NEDD4: variants seen among roughly 807,000 people sequenced by gnomAD.
NEDD4 encodes the protein NEDD4 E3 ubiquitin protein ligase.
NEDD4 carries 99 observed loss-of-function variants against 144.9 expected under a neutral mutation model. That is an observed-to-expected ratio of 0.68 (90% CI 0.58 to 0.81). NEDD4 has a LOEUF of 0.81. Among genes scored for constraint, NEDD4 ranks in the 30% least tolerant of loss-of-function variants. NEDD4 has a pLI of 0.00. For synonymous variants in NEDD4, 318 were observed against 350.6 expected, an observed-to-expected ratio of 0.91 and a Z score of 1.04; for missense variants, 985 against 1,065.9, an observed-to-expected ratio of 0.92 and a Z score of 1.06.
At position 55,859,037 on chromosome 15, in the gene NEDD4, G is replaced by T. The variant is rs2034302681; in HGVS notation, c.960+1370C>A. Among the ~76,000 whole-genome samples the T allele has an allele frequency of 3.3e-5, 5 of 152,160 alleles. No homozygotes were observed. In the East Asian group the frequency reaches 7.7e-4, roughly 23 times the overall value. Reference sequence around the variant, plus strand: ...AAGTCCCATGAAGGCAGGAGATATTGTTAATTTTATTGACTGATGTATCCT... The same window carrying T: ...AAGTCCCATGAAGGCAGGAGATATTTTTAATTTTATTGACTGATGTATCCT... On this transcript the variant is annotated intron_variant, in intron 11 of 28. Transcript: ENST00000435532.
Position 55,833,182 on chromosome 15 carries a change from G to A in NEDD4, c.2431-78C>T, listed in dbSNP as rs558686859. The A allele has an allele frequency of 2.3e-5, 21 of 893,882 alleles. No homozygotes were observed. In the East Asian group the frequency reaches 2.9e-4, roughly 12 times the overall value. 55.4% of individuals were successfully genotyped at this position (893,882 alleles called of 1,614,324 possible). A position where few individuals can be genotyped will look rare whatever the true frequency, so the allele number is the denominator to read the frequency against. The stretch of plus-strand genomic sequence containing the variant: ...AAATTATCCTGAAACATAAGCTATC[G>A]GAATTTAGAATATTAATAATCCCTT... On this transcript the variant is annotated intron_variant, in intron 26 of 28. Transcript: ENST00000435532.
At chr15:55,924,991 C>A (rs1282046079) in intron 4 of NEDD4, among the ~76,000 whole-genome samples, 1 of 152,204 alleles carries the variant, frequency 6.6e-6, no homozygotes, top group Non-Finnish European at 1.5e-5. Context: ...TCGCTTCAAC[C>A]TGGGAGGTGG....
intron 11 of NEDD4, among the ~76,000 whole-genome samples, chr15:55,857,549 C>T (rs758203163): frequency 2.6e-5 from 4 of 152,134 alleles, no homozygotes; most frequent in Non-Finnish European, 5.9e-5. Context: ...TCTCGAACTC[C>T]TAACCTCATG....
chr15:55,830,408 C>T, intron 28 of NEDD4, 106 bp downstream of exon 28: 1 of 993,738 alleles, frequency 1.0e-6, no homozygotes, highest in Non-Finnish European at 1.6e-6. Flanking sequence ...TAATCCATAC[C>T]TGCCACCGAC....
intron 5 of NEDD4, among the ~76,000 whole-genome samples, chr15:55,881,012 G>T (rs564194025): frequency 1.3e-5 from 2 of 152,230 alleles, no homozygotes; most frequent in South Asian, 4.1e-4. Flanking sequence ...GGAGTCTAAG[G>T]CCTAACAAAT....
At chr15:55,954,514 T>C (rs1369837111) in intron 2 of NEDD4, among the ~76,000 whole-genome samples, 2 of 151,874 alleles carry the variant, frequency 1.3e-5, no homozygotes, top group Non-Finnish European at 2.9e-5. Flanking sequence ...ACAGACACTG[T>C]GTTCAAGAGT....
intron 2 of NEDD4, among the ~76,000 whole-genome samples, chr15:55,951,858 A>G: frequency 6.6e-6 from 1 of 152,050 alleles, no homozygotes; most frequent in South Asian, 2.1e-4. Context: ...AGCTTCCTAG[A>G]TTTTTAAAAT....
chr15:55,942,356 C>T (rs535299065), intron 4 of NEDD4, among the ~76,000 whole-genome samples: 1 of 152,214 alleles, frequency 6.6e-6, no homozygotes, highest in Admixed American at 6.5e-5. Flanking sequence ...GGAATTATGT[C>T]TCTGCCAAAA....
intron 2 of NEDD4, among the ~76,000 whole-genome samples, chr15:55,961,730 A>T (rs2037429873): frequency 6.6e-6 from 1 of 152,022 alleles, no homozygotes; most frequent in Admixed American, 6.6e-5. Flanking sequence ...CAGCCTCCCA[A>T]AGTGCTGGGA....
At chr15:55,937,047 C>A (rs2036906521) in intron 4 of NEDD4, among the ~76,000 whole-genome samples, 1 of 152,168 alleles carries the variant, frequency 6.6e-6, no homozygotes, top group Non-Finnish European at 1.5e-5. Context: ...CCCTCCTCGG[C>A]CTCCCAAAGC....
chr15:55,931,416 C>A (rs1377247429), intron 4 of NEDD4, among the ~76,000 whole-genome samples: 1 of 152,012 alleles, frequency 6.6e-6, no homozygotes, highest in Non-Finnish European at 1.5e-5. Context: ...TGTGCAAATT[C>A]TTTCACAAGA....
At chr15:55,852,900 C>T (rs1239079437) in intron 12 of NEDD4, among the ~76,000 whole-genome samples, 1 of 151,894 alleles carries the variant, frequency 6.6e-6, no homozygotes, top group South Asian at 2.1e-4. Flanking sequence ...CAGGCATGTG[C>T]TAACACACCC....
intron 5 of NEDD4, among the ~76,000 whole-genome samples, chr15:55,909,117 C>T (rs1306552326): frequency 2.0e-5 from 3 of 152,158 alleles, no homozygotes; most frequent in Non-Finnish European, 4.4e-5. Flanking sequence ...AGAAGGCCTA[C>T]GCTCTTTCTT....
chr15:55,926,680 C>T lies in NEDD4; in HGVS notation c.238-1981G>A, dbSNP rs986818849. 2.0e-5 allele frequency among the ~76,000 whole-genome samples: 3 copies of T among 152,252 alleles called. No homozygotes were observed. The East Asian group carries it at 5.8e-4, about 30-fold the overall frequency. ...ACTCAGGAGGCTGAGGCACGAGAAT[C>T]GTTTGAACCTGGGAGGCGGAGGTTG... On this transcript the variant is annotated intron_variant, in intron 4 of 28. Transcript: ENST00000435532.
intron 5 of NEDD4, among the ~76,000 whole-genome samples, chr15:55,907,230 G>A (rs1462310291): frequency 1.3e-5 from 2 of 151,948 alleles, no homozygotes; most frequent in African/African-American, 2.4e-5. Context: ...AAATTTTAAG[G>A]TCAATCCAGG....
intron 4 of NEDD4, among the ~76,000 whole-genome samples, chr15:55,950,739 C>T (rs1039355610): frequency 1.3e-5 from 2 of 152,068 alleles, no homozygotes; most frequent in Admixed American, 1.3e-4. Flanking sequence ...AACGACTCAA[C>T]AGCTAAAGGG....
At chr15:55,886,062 T>C (rs1210573310) in intron 5 of NEDD4, among the ~76,000 whole-genome samples, 1 of 152,020 alleles carries the variant, frequency 6.6e-6, no homozygotes. Flanking sequence ...CTGTATCAGA[T>C]AAAATAGACT....
At chr15:55,958,849 A>G (rs1010246272) in intron 2 of NEDD4, among the ~76,000 whole-genome samples, 2 of 150,896 alleles carry the variant, frequency 1.3e-5, no homozygotes, top group East Asian at 3.9e-4. Context: ...TCATTTCCAC[A>G]GGGTCTATAG....
intron 2 of NEDD4, among the ~76,000 whole-genome samples, chr15:55,958,096 T>C (rs1005644675): frequency 3.3e-5 from 5 of 152,142 alleles, no homozygotes; most frequent in Non-Finnish European, 7.3e-5. Flanking sequence ...TGTGCACATG[T>C]ACCCTAGAAC....
Sources: allele counts gnomAD v4.1 joint callset (sites outside exome capture counted in the v4.1 genomes callset), GRCh38; gene constraint gnomAD v4.1.1; transcripts MANE v1.5; gene names NCBI Gene and HGNC (gene_info 2026-07-23, HGNC 2026-07-21).